IMMP2L: variants seen among roughly 807,000 people sequenced by gnomAD.
IMMP2L encodes the protein mitochondrial inner membrane protease subunit 2.
IMMP2L carries 18 observed loss-of-function variants against 19.3 expected under a neutral mutation model. The ratio of observed to expected loss-of-function variants is 0.93; its 90% CI spans 0.64 to 1.38. IMMP2L has a LOEUF of 1.38. Ranked by LOEUF, IMMP2L falls within the 40% of genes most tolerant of loss-of-function variation. The probability of loss-of-function intolerance (pLI) is 0.00; values close to 1 mark genes in which losing one functional copy is unlikely to be tolerated. For synonymous variants in IMMP2L, 76 were observed against 73.0 expected (o/e 1.04, Z -0.21); for missense variants, 233 against 218.2 (o/e 1.07, Z -0.43).
chr7:111,394,472 C>T (rs1248728925), intron 3 of IMMP2L, among the ~76,000 whole-genome samples: 1 of 151,950 alleles, frequency 6.6e-6, no homozygotes, highest in African/African-American at 2.4e-5. Flanking sequence ...TTTCTGAGTG[C>T]CATTTTTGTT....
In IMMP2L at chr7:111,337,492, GGA is replaced by G. The variant is rs1826559297; in HGVS notation, c.239+149744_239+149745del. 4.7e-5 allele frequency among the ~76,000 whole-genome samples: 7 copies of G among 150,038 alleles called. No individual in the cohort carries two copies. In the South Asian group the frequency reaches 1.5e-3, roughly 31 times the overall value. On this transcript the variant is annotated intron_variant, in intron 3 of 5. Transcript: ENST00000405709. The stretch of plus-strand genomic sequence containing the variant: ...TGGATGGATGGATGGATGGATGGAT[GGA>G]TGGATGAAATGGACCAATGAATGGG...
At chr7:111,426,416 T>C (rs1836082507) in intron 3 of IMMP2L, among the ~76,000 whole-genome samples, 1 of 150,886 alleles carries the variant, frequency 6.6e-6, no homozygotes, top group Non-Finnish European at 1.5e-5. Context: ...GAGAGGTTTT[T>C]TGCAATAACA....
intron 3 of IMMP2L, among the ~76,000 whole-genome samples, chr7:111,343,113 A>G (rs184456490): frequency 4.7e-4 from 72 of 152,222 alleles, no homozygotes; most frequent in African/African-American, 1.7e-3. Context: ...GAATATTATC[A>G]ACAAATATTT....
chr7:111,530,424 C>T (rs925267983), intron 1 of IMMP2L, among the ~76,000 whole-genome samples: 7 of 152,142 alleles, frequency 4.6e-5, no homozygotes, highest in Non-Finnish European at 8.8e-5. Context: ...ACACCTAATA[C>T]ATAATCATTT....
chr7:111,482,107 A>G (rs986161356), intron 3 of IMMP2L, among the ~76,000 whole-genome samples: 35 of 152,166 alleles, frequency 2.3e-4, no homozygotes, highest in African/African-American at 7.5e-4. Flanking sequence ...ATATATCCAA[A>G]TTATTATGAT....
intron 3 of IMMP2L, among the ~76,000 whole-genome samples, chr7:111,301,631 A>G (rs1035725522): frequency 6.6e-6 from 1 of 152,028 alleles, no homozygotes; most frequent in Non-Finnish European, 1.5e-5. Flanking sequence ...TAATTTTTGT[A>G]GAAGGTATGA....
chr7:111,372,646 G>A (rs1171560828), intron 3 of IMMP2L, among the ~76,000 whole-genome samples: 1 of 151,626 alleles, frequency 6.6e-6, no homozygotes, highest in Non-Finnish European at 1.5e-5. Context: ...AGCAAATTCT[G>A]TTTCATAAAA....
intron 3 of IMMP2L, among the ~76,000 whole-genome samples, chr7:111,373,096 C>G (rs1244831857): frequency 6.7e-6 from 1 of 150,234 alleles, no homozygotes; most frequent in Non-Finnish European, 1.5e-5. Flanking sequence ...TTCCCCAAAA[C>G]ACTTTAAAGT....
intron 3 of IMMP2L, among the ~76,000 whole-genome samples, chr7:111,290,728 T>C (rs1820998460): frequency 6.6e-6 from 1 of 151,930 alleles, no homozygotes; most frequent in South Asian, 2.1e-4. Flanking sequence ...TGACCCTGTA[T>C]AAATCCCCTT....
chr7:110,676,946 G>A (rs1350074535), intron 5 of IMMP2L, among the ~76,000 whole-genome samples: 1 of 152,062 alleles, frequency 6.6e-6, no homozygotes, highest in Non-Finnish European at 1.5e-5. Context: ...AGAAGCACAG[G>A]ACTTCACTTG....
intron 3 of IMMP2L, among the ~76,000 whole-genome samples, chr7:111,221,689 G>C (rs899909283): frequency 1.3e-5 from 2 of 151,950 alleles, no homozygotes. Flanking sequence ...CAGCAAATTT[G>C]TGGCAATTAA....
At chr7:110,992,121 T>C (rs1822540754) in intron 3 of IMMP2L, among the ~76,000 whole-genome samples, 1 of 152,188 alleles carries the variant, frequency 6.6e-6, no homozygotes, top group Admixed American at 6.6e-5. Context: ...ATTTCTTTAC[T>C]TCTCTGAGAG....
At chr7:110,963,946 G>A (rs562550145) in intron 3 of IMMP2L, among the ~76,000 whole-genome samples, 1 of 131,586 alleles carries the variant, frequency 7.6e-6, no homozygotes, top group South Asian at 2.5e-4. Flanking sequence ...CATGTGTAGA[G>A]GGAGGGGACC....
intron 3 of IMMP2L, among the ~76,000 whole-genome samples, chr7:111,424,179 C>T (rs183584738): frequency 5.3e-5 from 8 of 151,966 alleles, no homozygotes; most frequent in African/African-American, 1.7e-4. Flanking sequence ...ATGCAAACAG[C>T]ATCTGTAGAA....
chr7:111,118,670 CTATTAT>C (rs1346592053), intron 3 of IMMP2L, among the ~76,000 whole-genome samples: 12 of 151,934 alleles, frequency 7.9e-5, no homozygotes, highest in African/African-American at 2.9e-4. Flanking sequence ...TAAGAAGATA[CTATTAT>C]TACTTACTTA....
At chr7:110,882,285 G>GTGCCTGCCTGCCTGCC (rs1355497767) in intron 5 of IMMP2L, among the ~76,000 whole-genome samples, 6 of 126,486 alleles carry the variant, frequency 4.7e-5, no homozygotes, top group African/African-American at 1.7e-4. Context: ...TCTTTGTCAA[G>GTGCCTGCCTGCCTGCC]TGCCTTCCTT....
Position 111,236,015 on chromosome 7 carries a change from A to C in IMMP2L, c.239+251223T>G, listed in dbSNP as rs113821470. On this transcript the variant is annotated intron_variant, in intron 3 of 5. Transcript: ENST00000405709. ...TAGGTCCTGTAACATTCATCTCTAG[A>C]ATATAGATTTAAGTCTTTTTCACAT... is the stretch of plus-strand genomic sequence containing the variant. 3.5e-3 allele frequency among the ~76,000 whole-genome samples: 539 copies of C among 152,132 alleles called. 3 individuals carry two copies. Among genetic ancestry groups the C allele is most frequent in the African/African-American group, 0.012 (509 of 41,528 alleles).
chr7:110,759,440 G>T (rs931181819), intron 5 of IMMP2L, among the ~76,000 whole-genome samples: 1 of 152,122 alleles, frequency 6.6e-6, no homozygotes, highest in Non-Finnish European at 1.5e-5. Flanking sequence ...AAAATAGCAT[G>T]ATATGCGAGG....
At chr7:110,917,453 G>A (rs765528730) in intron 4 of IMMP2L, among the ~76,000 whole-genome samples, 3 of 152,040 alleles carry the variant, frequency 2.0e-5, no homozygotes, top group East Asian at 1.9e-4. Flanking sequence ...ATAGTGATAC[G>A]TTTCTTACAG....
Sources: allele counts gnomAD v4.1 joint callset (sites outside exome capture counted in the v4.1 genomes callset), GRCh38; gene constraint gnomAD v4.1.1; transcripts MANE v1.5; gene names NCBI Gene and HGNC (gene_info 2026-07-23, HGNC 2026-07-21).